ZNF235: variants seen among roughly 807,000 people sequenced by gnomAD.
The protein encoded by ZNF235 is zfp-93.
ZNF235 carries 25 observed loss-of-function variants against 29.4 expected under a neutral mutation model. That is an observed-to-expected ratio of 0.85 (90% CI 0.62 to 1.19). The LOEUF (loss-of-function observed/expected upper bound fraction) is 1.19, where lower values mean the gene tolerates loss of function less well. Among genes scored for constraint, ZNF235 ranks in the 50% most tolerant of loss-of-function variants. ZNF235 has a pLI of 0.00. For missense variants in ZNF235, 788 were observed against 885.0 expected, an observed-to-expected ratio of 0.89 and a Z score of 1.39; for synonymous variants, 300 against 295.3, an observed-to-expected ratio of 1.02 and a Z score of -0.16.
At position 44,286,997 on chromosome 19, in the gene ZNF235, A is replaced by G. The variant is rs905166199; in HGVS notation, c.*221T>C. 1 of 501,298 alleles carries G rather than the reference A, an allele frequency of 2.0e-6. No homozygotes were observed. The highest frequency in any genetic ancestry group is 3.1e-5 in the East Asian group (1 of 31,820). 31.1% of individuals were successfully genotyped at this position (501,298 alleles called of 1,614,324 possible). On this transcript the variant is annotated 3_prime_UTR_variant, in exon 5 of 5. Transcript: ENST00000291182. ...TGGTACTCTGATATAAACACTGATC[A>G]TATTTACAGAACAAAGTTTTCTCGC...
At chr19:44,294,468 T>C (rs1027687389) in intron 4 of ZNF235, among the ~76,000 whole-genome samples, 1 of 151,808 alleles carries the variant, frequency 6.6e-6, no homozygotes, top group Non-Finnish European at 1.5e-5. Flanking sequence ...CAGACAAAGG[T>C]ACACTGGAAT....
chr19:44,287,086 A>G lies in ZNF235; in HGVS notation c.*132T>C, dbSNP rs1975495725. 1 of 923,222 alleles carries G rather than the reference A, an allele frequency of 1.1e-6. No individual in the cohort carries two copies. The highest frequency in any genetic ancestry group is 1.6e-6 in the Non-Finnish European group (1 of 633,838). 57.2% of individuals were successfully genotyped at this position (923,222 alleles called of 1,614,324 possible). A position where few individuals can be genotyped will look rare whatever the true frequency, so the allele number is the denominator to read the frequency against. On this transcript the variant is annotated 3_prime_UTR_variant, in exon 5 of 5. Coordinates refer to ENST00000291182, the MANE Select transcript of ZNF235 (RefSeq NM_004234.4). The stretch of plus-strand genomic sequence containing the variant: ...AACCAAGTCTAAAACACAGCATTTG[A>G]GAGACTTCTTTCCTGTCAAGATTCT...
chr19:44,303,500 C>G, intron 1 of ZNF235, 48 bp from the exon 2 acceptor site: 4 of 1,526,882 alleles, frequency 2.6e-6, no homozygotes, highest in Non-Finnish European at 3.6e-6. Context: ...TGGCATTAGT[C>G]ACCATGGCAC....
intron 1 of ZNF235, 127 bp from the exon 2 acceptor site, chr19:44,303,579 G>A (rs1975787126): frequency 2.9e-6 from 2 of 696,414 alleles, no homozygotes; most frequent in Admixed American, 3.1e-5. Context: ...GGCTTAGTGA[G>A]GAGAACGGGA....
At position 44,288,370 on chromosome 19, in the gene ZNF235, G is replaced by C. The variant is rs1444982251; in HGVS notation, c.1065C>G (p.Ser355Arg). The C allele has an allele frequency of 6.2e-7, 1 of 1,613,906 alleles. No individual in the cohort carries two copies. Among genetic ancestry groups the C allele is most frequent in the Non-Finnish European group, 8.5e-7 (1 of 1,180,018 alleles). Residue 355 changes from serine to arginine, a missense_variant, in exon 5 of 5, where the codon AGC (serine) becomes AGG (arginine). Coordinates refer to ENST00000291182, the MANE Select transcript of ZNF235 (RefSeq NM_004234.4). ...CATAAAGATGTGAGCTCTGATTAAA[G>C]CTCTTACCACACTCGTGGCATGTAT... ...KPYTCHECGKSFNQSSHLYAH... is the reference protein window; with the variant it reads ...KPYTCHECGKRFNQSSHLYAH...
chr19:44,297,936 T>C (rs1361931974), intron 4 of ZNF235, among the ~76,000 whole-genome samples: 1 of 151,690 alleles, frequency 6.6e-6, no homozygotes, highest in African/African-American at 2.4e-5. Flanking sequence ...CTGGGCAACA[T>C]GGGGAAACCT....
At chr19:44,291,397 A>T (rs1375034606) in intron 4 of ZNF235, among the ~76,000 whole-genome samples, 1 of 152,264 alleles carries the variant, frequency 6.6e-6, no homozygotes, top group Non-Finnish European at 1.5e-5. Flanking sequence ...AAATTTATAA[A>T]GCAGAAATGT....
chr19:44,302,735 T>C (rs1975754854), intron 2 of ZNF235, among the ~76,000 whole-genome samples: 1 of 144,498 alleles, frequency 6.9e-6, no homozygotes, highest in African/African-American at 2.5e-5. Flanking sequence ...GGTGAGACTC[T>C]GTCTCTAAAT....
Position 44,288,341 on chromosome 19 carries a change from T to C in ZNF235, c.1094A>G (p.His365Arg), listed in dbSNP as rs778766160. The change falls in exon 5 of 5, where the codon CAT (histidine) becomes CGT (arginine). Residue 365 changes from histidine to arginine, a missense_variant. Physicochemically the swap from His to Arg is conservative, Grantham distance 29 (BLOSUM62 0). Coordinates refer to ENST00000291182, the MANE Select transcript of ZNF235 (RefSeq NM_004234.4). ...SFNQSSHLYA[H>R]LPIHTGEKPY... is the part of the protein sequence containing the mutation. ...CTTCTCTCCTGTGTGAATAGGCAAA[T>C]GAGCATAAAGATGTGAGCTCTGATT... 1.9e-6 allele frequency: 3 copies of C among 1,614,108 alleles called. No homozygotes were observed. In the South Asian group the frequency reaches 3.3e-5, roughly 18 times the overall value.
Position 44,288,887 on chromosome 19 carries a change from C to T in ZNF235, c.548G>A (p.Trp183Ter). ...EFPTGKVPNS[W>*]SKIYLNETQN... The stretch of plus-strand genomic sequence containing the variant: ...TGTCTCATTCAGATATATTTTACTC[C>T]AAGAATTCGGAACTTTCCCAGTTGG... Residue 183 changes from tryptophan to a stop codon, truncating the protein, a stop_gained, in exon 5 of 5, where the codon TGG becomes TAG. Transcript: ENST00000291182. LOFTEE classifies it low-confidence loss of function (END_TRUNC). The T allele has an allele frequency of 2.5e-6, 4 of 1,613,992 alleles. No homozygotes were observed. Among genetic ancestry groups the T allele is most frequent in the Non-Finnish European group, 1.7e-6 (2 of 1,179,976 alleles).
intron 4 of ZNF235, among the ~76,000 whole-genome samples, chr19:44,291,986 T>C (rs1287975604): frequency 2.0e-5 from 3 of 152,094 alleles, no homozygotes; most frequent in African/African-American, 7.2e-5. Flanking sequence ...AATGAACATA[T>C]TTATAAAATT....
At chr19:44,298,947 G>A (rs1256673838) in intron 3 of ZNF235, 44 bp from the exon 4 acceptor site, 5 of 1,492,152 alleles carry the variant, frequency 3.4e-6, no homozygotes, top group South Asian at 2.3e-5. Flanking sequence ...AAGGCAAAGA[G>A]TACTGAAAAA....
chr19:44,297,603 A>G (rs1341857189), intron 4 of ZNF235, among the ~76,000 whole-genome samples: 4 of 152,042 alleles, frequency 2.6e-5, no homozygotes, highest in African/African-American at 9.7e-5. Context: ...AGCTGGGATT[A>G]CAGGCATGTG....
chr19:44,304,851 AC>A (rs981419204), intron 1 of ZNF235, 119 bp downstream of exon 1: 1 of 985,156 alleles, frequency 1.0e-6, no homozygotes, highest in African/African-American at 1.7e-5. Flanking sequence ...CAGCCTCCCA[AC>A]CCCGCCCTCC....
chr19:44,293,198 C>G (rs1975608042), intron 4 of ZNF235, among the ~76,000 whole-genome samples: 1 of 152,012 alleles, frequency 6.6e-6, no homozygotes, highest in Non-Finnish European at 1.5e-5. Context: ...CATAACTCAT[C>G]TTACCGATAA....
intron 2 of ZNF235, among the ~76,000 whole-genome samples, 200 bp downstream of exon 2, chr19:44,303,190 A>G (rs1975780003): frequency 7.4e-6 from 1 of 134,526 alleles, no homozygotes; most frequent in Admixed American, 8.0e-5. Context: ...ATAGAAATAT[A>G]TTTTAGAAAT....
rs566347352 is a variant in ZNF235, at chr19:44,294,215, T to C, written c.238+4593A>G. On this transcript the variant is annotated intron_variant, in intron 4 of 4. Coordinates refer to ENST00000291182, the MANE Select transcript of ZNF235 (RefSeq NM_004234.4). ...CCAAATAAACATAATCAGAAATGAA[T>C]GAGACATTACAACTAATACCATAGA... Among the ~76,000 whole-genome samples the C allele has an allele frequency of 9.2e-5, 14 of 152,148 alleles. No homozygotes were observed. The South Asian group carries it at 2.1e-3, about 23-fold the overall frequency.
Position 44,298,898 on chromosome 19 carries a change from G to C in ZNF235, c.148C>G (p.Gln50Glu), listed in dbSNP as rs1343009194. ...NFRNLVSVGHQSFKPDMISQL... is the reference protein window; with the variant it reads ...NFRNLVSVGHESFKPDMISQL... Reference sequence around the variant, plus strand: ...GATATCATATCTGGTTTGAAGGACTGATGTCCTATAAAAAGATAGTATTTA... The same window carrying C: ...GATATCATATCTGGTTTGAAGGACTCATGTCCTATAAAAAGATAGTATTTA... The change falls in exon 4 of 5, where the codon CAG becomes GAG. Residue 50 changes from glutamine (Q) to glutamate (E), a missense_variant. Physicochemically the swap from Gln to Glu is conservative, Grantham distance 29. Transcript: ENST00000291182. 2 of 1,609,042 alleles carry C rather than the reference G, an allele frequency of 1.2e-6. No individual in the cohort carries two copies. Among genetic ancestry groups the C allele is most frequent in the Non-Finnish European group, 1.7e-6 (2 of 1,176,008 alleles).
intron 4 of ZNF235, 112 bp downstream of exon 4, chr19:44,298,696 A>G (rs1975688735): frequency 3.7e-6 from 3 of 819,358 alleles, no homozygotes; most frequent in Non-Finnish European, 3.9e-6. Context: ...GCGCCCAACC[A>G]TGACAGATGT....
Sources: allele counts gnomAD v4.1 joint callset (sites outside exome capture counted in the v4.1 genomes callset), GRCh38; gene constraint gnomAD v4.1.1; transcripts MANE v1.5; gene names NCBI Gene and HGNC (gene_info 2026-07-23, HGNC 2026-07-21).